Variants in KCNAB1 observed in about 807,000 individuals in gnomAD.
KCNAB1 encodes the protein voltage-gated potassium channel subunit beta-1.
A neutral mutation model predicts 64.6 loss-of-function variants in KCNAB1; 35 were observed. The observed-to-expected ratio is 0.54, with a 90% CI of 0.41 to 0.72. The LOEUF (loss-of-function observed/expected upper bound fraction) is 0.72. KCNAB1 is among the 30% of genes least tolerant of loss of function. KCNAB1 has a pLI of 0.00. For synonymous variants in KCNAB1, 177 were observed against 183.8 expected, an observed-to-expected ratio of 0.96 and a Z score of 0.30; for missense variants, 401 against 512.9, an observed-to-expected ratio of 0.78 and a Z score of 2.11.
intron 1 of KCNAB1, among the ~76,000 whole-genome samples, chr3:156,307,000 T>C (rs1305789162): frequency 6.6e-6 from 1 of 152,228 alleles, no homozygotes; most frequent in Non-Finnish European, 1.5e-5. Flanking sequence ...GTTAATATTG[T>C]GTAAAAATTA....
At chr3:156,180,148 T>A (rs1432409237) in intron 1 of KCNAB1, among the ~76,000 whole-genome samples, 5 of 152,252 alleles carry the variant, frequency 3.3e-5, no homozygotes, top group Admixed American at 6.5e-5. Flanking sequence ...AAGCTGGGAT[T>A]CCAATCCAGC....
chr3:156,377,069 A>T (rs1031429917), intron 1 of KCNAB1, among the ~76,000 whole-genome samples: 9 of 152,204 alleles, frequency 5.9e-5, no homozygotes, highest in Non-Finnish European at 1.0e-4. Flanking sequence ...TCATTAATGG[A>T]AAATTCTAAG....
At chr3:156,400,472 T>C (rs569994317) in intron 1 of KCNAB1, among the ~76,000 whole-genome samples, 155 of 152,350 alleles carry the variant, frequency 1.0e-3, no homozygotes, top group South Asian at 2.7e-3. Context: ...CACACTGCTG[T>C]CAGTATCTTT....
intron 1 of KCNAB1, among the ~76,000 whole-genome samples, chr3:156,420,867 C>A (rs894167791): frequency 6.6e-6 from 1 of 151,908 alleles, no homozygotes; most frequent in African/African-American, 2.4e-5. Flanking sequence ...AAATATATTT[C>A]TTTTCCTTAA....
At chr3:156,213,577 C>T (rs1009550219) in intron 1 of KCNAB1, among the ~76,000 whole-genome samples, 1 of 152,094 alleles carries the variant, frequency 6.6e-6, no homozygotes, top group Admixed American at 6.6e-5. Flanking sequence ...CACGACACAC[C>T]CACATTGCTA....
chr3:156,395,419 C>G (rs1344405068), intron 1 of KCNAB1, among the ~76,000 whole-genome samples: 1 of 148,610 alleles, frequency 6.7e-6, no homozygotes, highest in Non-Finnish European at 1.5e-5. Context: ...GTGGCGGGCG[C>G]CTGTAGTCCC....
chr3:156,399,730 T>C (rs910219886), intron 1 of KCNAB1, among the ~76,000 whole-genome samples: 5 of 152,200 alleles, frequency 3.3e-5, no homozygotes, highest in Non-Finnish European at 5.9e-5. Context: ...GAATCTGCTT[T>C]GAAAGGGTAG....
At chr3:156,485,777 A>G (rs1036743289) in intron 8 of KCNAB1, among the ~76,000 whole-genome samples, 2 of 151,964 alleles carry the variant, frequency 1.3e-5, no homozygotes, top group African/African-American at 4.8e-5. Context: ...CCCATTGTCT[A>G]GTATTTCCAT....
chr3:156,263,190 T>TAAAAAAAGAAA, intron 1 of KCNAB1, among the ~76,000 whole-genome samples: 2 of 152,044 alleles, frequency 1.3e-5, no homozygotes, highest in African/African-American at 4.8e-5. Flanking sequence ...TTCACTTTCT[T>TAAAAAAAGAAA]TTTTAGTTTC....
chr3:156,485,714 A>G (rs908229374), intron 8 of KCNAB1, among the ~76,000 whole-genome samples: 1 of 152,034 alleles, frequency 6.6e-6, no homozygotes, highest in African/African-American at 2.4e-5. Flanking sequence ...ATTGTACCCA[A>G]TAGGGAGTTT....
intron 8 of KCNAB1, among the ~76,000 whole-genome samples, chr3:156,483,840 G>A (rs945666478): frequency 6.6e-6 from 1 of 152,058 alleles, no homozygotes; most frequent in Non-Finnish European, 1.5e-5. Flanking sequence ...CAGAGCCCCT[G>A]GTTAACAAAT....
chr3:156,218,198 G>C (rs1166186236), intron 1 of KCNAB1, among the ~76,000 whole-genome samples: 1 of 152,164 alleles, frequency 6.6e-6, no homozygotes, highest in Non-Finnish European at 1.5e-5. Flanking sequence ...GTGTGAGAGC[G>C]GGGTGAGGCC....
At chr3:156,220,213 A>G (rs930223182) in intron 1 of KCNAB1, among the ~76,000 whole-genome samples, 1 of 152,184 alleles carries the variant, frequency 6.6e-6, no homozygotes, top group African/African-American at 2.4e-5. Flanking sequence ...CATGATTTAT[A>G]ATCATTTGGG....
intron 1 of KCNAB1, among the ~76,000 whole-genome samples, chr3:156,284,719 G>T (rs947414030): frequency 6.6e-6 from 1 of 152,188 alleles, no homozygotes; most frequent in Non-Finnish European, 1.5e-5. Flanking sequence ...GGGTGGGAGT[G>T]ACCCGATTTT....
At chr3:156,170,337 A>G (rs1162674813) in intron 1 of KCNAB1, among the ~76,000 whole-genome samples, 1 of 151,552 alleles carries the variant, frequency 6.6e-6, no homozygotes, top group Non-Finnish European at 1.5e-5. Flanking sequence ...CATTCCGGCT[A>G]CTACTGTGGT....
intron 1 of KCNAB1, among the ~76,000 whole-genome samples, chr3:156,266,290 G>A (rs1479548599): frequency 1.3e-5 from 2 of 152,102 alleles, no homozygotes; most frequent in Admixed American, 6.6e-5. Context: ...CAAGTAGAGG[G>A]AAGGGCAAAG....
intron 1 of KCNAB1, among the ~76,000 whole-genome samples, chr3:156,393,319 T>C (rs987339059): frequency 2.0e-5 from 3 of 152,170 alleles, no homozygotes; most frequent in African/African-American, 7.2e-5. Context: ...CCCTTACGTA[T>C]GTCTATTCTT....
intron 1 of KCNAB1, among the ~76,000 whole-genome samples, chr3:156,229,054 G>T (rs2108431425): frequency 6.6e-6 from 1 of 152,310 alleles, no homozygotes; most frequent in East Asian, 1.9e-4. Flanking sequence ...CCTCTGAGGG[G>T]TCTCAGCCCT....
chr3:156,182,695 AT>A (rs10624040), intron 1 of KCNAB1, among the ~76,000 whole-genome samples: 326 of 132,678 alleles, frequency 2.5e-3, no homozygotes, highest in African/African-American at 5.7e-3. Flanking sequence ...AAGTAAGACA[AT>A]TTTTTTTTTT....
Sources: allele counts gnomAD v4.1 joint callset (sites outside exome capture counted in the v4.1 genomes callset), GRCh38; gene constraint gnomAD v4.1.1; transcripts MANE v1.5; gene names NCBI Gene and HGNC (gene_info 2026-07-23, HGNC 2026-07-21).